MLIP: variants seen among roughly 807,000 people sequenced by gnomAD.
The protein encoded by MLIP is muscular LMNA interacting protein, also known as muscular LMNA-interacting protein.
Under a neutral mutation model 84.8 loss-of-function variants are expected in MLIP, and 79 were observed. The ratio of observed to expected loss-of-function variants is 0.93; its 90% CI spans 0.78 to 1.12. The LOEUF (loss-of-function observed/expected upper bound fraction) is 1.12, where lower values mean the gene tolerates loss of function less well. MLIP is among the 50% of genes most tolerant of loss of function. The pLI, the probability that MLIP is intolerant of heterozygous loss-of-function variation, is 0.00. For missense variants in MLIP, 1,257 were observed against 1,160.6 expected, an observed-to-expected ratio of 1.08 and a Z score of -1.21; for synonymous variants, 504 against 463.0, an observed-to-expected ratio of 1.09 and a Z score of -1.14.
intron 8 of MLIP, among the ~76,000 whole-genome samples, chr6:54,161,240 G>T (rs1377294963): frequency 6.6e-6 from 1 of 151,764 alleles, no homozygotes; most frequent in African/African-American, 2.4e-5. Flanking sequence ...AGTAAAATTA[G>T]TATTAAGAGC....
At chr6:54,190,227 A>G (rs1777782980) in intron 10 of MLIP, among the ~76,000 whole-genome samples, 1 of 152,176 alleles carries the variant, frequency 6.6e-6, no homozygotes, top group African/African-American at 2.4e-5. Flanking sequence ...AAAGGAAGAG[A>G]TCTAAAAAGA....
At chr6:54,141,739 AT>A (rs1772333644) in intron 4 of MLIP, among the ~76,000 whole-genome samples, 1 of 152,086 alleles carries the variant, frequency 6.6e-6, no homozygotes, top group African/African-American at 2.4e-5. Flanking sequence ...AAGAATTTAA[AT>A]TTTTATCCTA....
At position 54,137,226 on chromosome 6, in the gene MLIP, G is replaced by A; in HGVS notation, c.1157G>A (p.Gly386Asp). The A allele has an allele frequency of 1.3e-6, 2 of 1,535,882 alleles. No homozygotes were observed. The highest frequency in any genetic ancestry group is 8.7e-7 in the Non-Finnish European group (1 of 1,146,850). The change falls in exon 4 of 14, where the codon GGC (glycine) becomes GAC (aspartate). Residue 386 changes from glycine to aspartate, a missense_variant. Gly to Asp is a moderately conservative substitution (Grantham distance 94). Coordinates refer to ENST00000502396, the MANE Select transcript of MLIP (RefSeq NM_001281747.2). ...AAACCATTTACCTCCTCTTTCCACG[G>A]CTCTTCTTCCACCATCTGCAGCCAA... is the stretch of plus-strand genomic sequence containing the variant. ...SPKPFTSSFH[G>D]SSSTICSQMS... is the part of the protein sequence containing the mutation.
chr6:54,115,196 C>T (rs1561942991), intron 1 of MLIP, among the ~76,000 whole-genome samples: 2 of 152,054 alleles, frequency 1.3e-5, no homozygotes, highest in African/African-American at 4.8e-5. Context: ...GTGGTTTCCC[C>T]CAGGCATGTT....
At chr6:54,161,943 A>G (rs941219017) in intron 8 of MLIP, among the ~76,000 whole-genome samples, 27 of 151,992 alleles carry the variant, frequency 1.8e-4, no homozygotes, top group African/African-American at 6.5e-4. Context: ...AAAGACCTGT[A>G]TTATATTAAA....
intron 8 of MLIP, among the ~76,000 whole-genome samples, chr6:54,167,384 CT>C (rs374909884): frequency 4.6e-5 from 7 of 151,986 alleles, no homozygotes; most frequent in African/African-American, 1.7e-4. Flanking sequence ...AAGCATGCCC[CT>C]GTCTTAGCAC....
chr6:54,226,536 T>C (rs553774951), intron 11 of MLIP, among the ~76,000 whole-genome samples: 1 of 151,850 alleles, frequency 6.6e-6, no homozygotes, highest in East Asian at 1.9e-4. Flanking sequence ...GACTCTAAAA[T>C]ATTAGCAGAT....
rs112956972 is a variant in MLIP at position 54,065,513 on chromosome 6, C to T, written c.63+46422C>T. ...CAATTACAAAAGTCTTAAACAACAG[C>T]AGAAGGGCATTCGAGAAAATACAAG... On this transcript the variant is annotated intron_variant, in intron 1 of 12. Coordinates refer to the MLIP transcript ENST00000274897. Among the ~76,000 whole-genome samples the T allele has an allele frequency of 1.7e-4, 17 of 100,710 alleles. 2 individuals carry two copies. Among genetic ancestry groups the T allele is most frequent in the African/African-American group, 4.3e-4 (17 of 39,382 alleles). The allele number at this position is 100,710 out of a possible 152,430, so 66.1% of individuals were successfully genotyped here. A position where few individuals can be genotyped will look rare whatever the true frequency, so the allele number is the denominator to read the frequency against.
At chr6:54,251,823 A>G (rs1782551935) in intron 12 of MLIP, among the ~76,000 whole-genome samples, 1 of 85,478 alleles carries the variant, frequency 1.2e-5, no homozygotes, top group South Asian at 4.3e-4. Context: ...AACAGATAAT[A>G]TAAATATATA....
chr6:54,181,868 A>AG (rs1776906525), intron 9 of MLIP, among the ~76,000 whole-genome samples: 1 of 152,208 alleles, frequency 6.6e-6, no homozygotes, highest in African/African-American at 2.4e-5. Context: ...ATTGTGGATG[A>AG]GCTGATCTCC....
At chr6:54,251,799 AAT>A (rs1355876537) in intron 12 of MLIP, among the ~76,000 whole-genome samples, 93 of 97,592 alleles carry the variant, frequency 9.5e-4, no homozygotes, top group Admixed American at 2.7e-3. Flanking sequence ...ATATAATATA[AAT>A]ATATATATTA....
At chr6:54,043,824 A>G (rs1240868231) in intron 1 of MLIP, among the ~76,000 whole-genome samples, 1 of 152,186 alleles carries the variant, frequency 6.6e-6, no homozygotes, top group East Asian at 1.9e-4. Context: ...AATGCTGAAA[A>G]GACATTACAG....
At chr6:54,090,188 T>C (rs990561176) in intron 1 of MLIP, among the ~76,000 whole-genome samples, 2 of 152,128 alleles carry the variant, frequency 1.3e-5, no homozygotes, top group African/African-American at 4.8e-5. Flanking sequence ...GGGAATTTGA[T>C]GCTGTGAGAT....
chr6:54,152,231 A>G (rs1773527480), intron 5 of MLIP, among the ~76,000 whole-genome samples: 1 of 152,170 alleles, frequency 6.6e-6, no homozygotes, highest in African/African-American at 2.4e-5. Flanking sequence ...ATGATTATAA[A>G]GTAATCAGAT....
intron 4 of MLIP, among the ~76,000 whole-genome samples, chr6:54,144,704 G>T (rs898547217): frequency 9.9e-5 from 15 of 152,268 alleles, no homozygotes; most frequent in Non-Finnish European, 2.1e-4. Context: ...CCAGTTTATG[G>T]TCTGGGGGTT....
chr6:54,057,849 A>G (rs1274110173), intron 1 of MLIP: 4 of 152,212 alleles, frequency 2.6e-5, no homozygotes, highest in Non-Finnish European at 4.4e-5. Context: ...AAGAAATGCA[A>G]GAGACCTTTA....
At chr6:54,138,584 C>T (rs1418240405) in intron 4 of MLIP, among the ~76,000 whole-genome samples, 1 of 152,116 alleles carries the variant, frequency 6.6e-6, no homozygotes, top group Non-Finnish European at 1.5e-5. Flanking sequence ...TGAGTTATAT[C>T]ATTGGCCCTA....
chr6:54,019,328 C>T (rs10484653), intron 1 of MLIP, among the ~76,000 whole-genome samples: 83,554 of 151,952 alleles, frequency 0.55, 25,128 homozygotes, highest in Non-Finnish European at 0.69. Context: ...TGTGGTTTAT[C>T]GTCATTTTAA....
intron 5 of MLIP, among the ~76,000 whole-genome samples, chr6:54,150,999 G>T (rs973271614): frequency 6.6e-5 from 10 of 152,178 alleles, no homozygotes; most frequent in African/African-American, 2.4e-4. Flanking sequence ...TATGTCTATT[G>T]TTCATACAAA....
Sources: allele counts gnomAD v4.1 joint callset (sites outside exome capture counted in the v4.1 genomes callset), GRCh38; gene constraint gnomAD v4.1.1; transcripts MANE v1.5; gene names NCBI Gene and HGNC (gene_info 2026-07-23, HGNC 2026-07-21).